STX8: variants seen among roughly 807,000 people sequenced by gnomAD.
The protein encoded by STX8 is syntaxin 8, also known as syntaxin-8.
A neutral mutation model predicts 37.5 loss-of-function variants in STX8; 23 were observed. That is an observed-to-expected ratio of 0.61 (90% CI 0.44 to 0.87). The LOEUF is 0.87. Among genes scored for constraint, STX8 ranks in the 40% least tolerant of loss-of-function variants. The probability of loss-of-function intolerance (pLI) is 0.00; values close to 1 mark genes in which losing one functional copy is unlikely to be tolerated. For synonymous variants in STX8, 115 were observed against 99.1 expected (o/e 1.16, Z -0.95); for missense variants, 313 against 284.7 (o/e 1.10, Z -0.71).
intron 6 of STX8, among the ~76,000 whole-genome samples, chr17:9,458,522 T>A (rs975045988): frequency 6.6e-6 from 1 of 152,212 alleles, no homozygotes; most frequent in African/African-American, 2.4e-5. Context: ...CAAAAACACA[T>A]CAAATAAGTT....
At chr17:9,332,299 A>T (rs556939631) in intron 7 of STX8, among the ~76,000 whole-genome samples, 23 of 152,354 alleles carry the variant, frequency 1.5e-4, no homozygotes, top group East Asian at 5.8e-4. Context: ...AGAATGACTC[A>T]GAGGCAGAGA....
At chr17:9,537,638 G>C (rs1906111637) in intron 4 of STX8, among the ~76,000 whole-genome samples, 1 of 152,162 alleles carries the variant, frequency 6.6e-6, no homozygotes, top group Non-Finnish European at 1.5e-5. Flanking sequence ...ACCCAACTCT[G>C]GGCTGGATGT....
intron 7 of STX8, among the ~76,000 whole-genome samples, chr17:9,276,342 T>C (rs1396112539): frequency 6.6e-6 from 1 of 152,112 alleles, no homozygotes; most frequent in Non-Finnish European, 1.5e-5. Flanking sequence ...TTTGTGGAAA[T>C]GTGAGTGATT....
chr17:9,328,437 C>G (rs995684309), intron 7 of STX8, among the ~76,000 whole-genome samples: 1 of 152,118 alleles, frequency 6.6e-6, no homozygotes, highest in Admixed American at 6.6e-5. Flanking sequence ...TTTGGGTCAT[C>G]GTTTTCCGAG....
At chr17:9,532,567 C>G (rs1195309507) in intron 4 of STX8, among the ~76,000 whole-genome samples, 1 of 151,954 alleles carries the variant, frequency 6.6e-6, no homozygotes, top group African/African-American at 2.4e-5. Flanking sequence ...GTAGAAAGAG[C>G]CTGAATTTTC....
chr17:9,469,555 C>A (rs1360445007), intron 6 of STX8, among the ~76,000 whole-genome samples: 3 of 152,124 alleles, frequency 2.0e-5, no homozygotes, highest in African/African-American at 7.2e-5. Flanking sequence ...ACAAACTCTC[C>A]GTGAGCCCAT....
At chr17:9,531,551 G>C (rs1905819709) in intron 4 of STX8, among the ~76,000 whole-genome samples, 1 of 152,168 alleles carries the variant, frequency 6.6e-6, no homozygotes. Flanking sequence ...GAGAGAGAGA[G>C]AGAGACCACA....
chr17:9,363,242 G>T (rs1252435754), intron 7 of STX8, among the ~76,000 whole-genome samples: 1 of 152,318 alleles, frequency 6.6e-6, no homozygotes, highest in South Asian at 2.1e-4. Flanking sequence ...GACATAAAGT[G>T]ATTTTGCCTC....
chr17:9,267,252 C>T (rs2142134310), intron 7 of STX8, among the ~76,000 whole-genome samples: 1 of 152,286 alleles, frequency 6.6e-6, no homozygotes, highest in South Asian at 2.1e-4. Context: ...TAATAACCCT[C>T]CACTCTCAGA....
intron 7 of STX8, among the ~76,000 whole-genome samples, chr17:9,251,211 C>T (rs1906563496): frequency 1.3e-5 from 2 of 152,294 alleles, no homozygotes; most frequent in African/African-American, 2.4e-5. Context: ...CTGGAGAGCA[C>T]AGGCCCTCCT....
chr17:9,341,458 GAC>G (rs1190278643), intron 7 of STX8, among the ~76,000 whole-genome samples: 4 of 152,170 alleles, frequency 2.6e-5, no homozygotes, highest in South Asian at 2.1e-4. Context: ...TGTTTTTTGA[GAC>G]AGAGTCTTGC....
At chr17:9,280,203 C>G (rs1367111422) in intron 7 of STX8, among the ~76,000 whole-genome samples, 1 of 152,070 alleles carries the variant, frequency 6.6e-6, no homozygotes, top group Non-Finnish European at 1.5e-5. Context: ...GTAGGAGACA[C>G]AGTGAGTAAG....
At chr17:9,287,898 G>A (rs1908136524) in intron 7 of STX8, among the ~76,000 whole-genome samples, 1 of 151,830 alleles carries the variant, frequency 6.6e-6, no homozygotes. Context: ...TTACAGGTGA[G>A]CACCACCACG....
At chr17:9,432,616 C>T (rs1914021538) in intron 6 of STX8, among the ~76,000 whole-genome samples, 1 of 152,206 alleles carries the variant, frequency 6.6e-6, no homozygotes, top group Admixed American at 6.5e-5. Flanking sequence ...TGGGAACTTT[C>T]ACCTTGTCTC....
intron 6 of STX8, among the ~76,000 whole-genome samples, chr17:9,426,036 C>T (rs1913615776): frequency 6.8e-6 from 1 of 146,894 alleles, no homozygotes; most frequent in South Asian, 2.2e-4. Flanking sequence ...CTAAAAAGCA[C>T]CCTGTTAATT....
intron 7 of STX8, among the ~76,000 whole-genome samples, chr17:9,376,033 T>G (rs1166514842): frequency 6.6e-6 from 1 of 152,066 alleles, no homozygotes; most frequent in African/African-American, 2.4e-5. Context: ...ACAACTGAAT[T>G]TTGATAACCA....
chr17:9,418,530 AAC>A (rs1471544788), intron 6 of STX8, among the ~76,000 whole-genome samples: 3 of 149,626 alleles, frequency 2.0e-5, no homozygotes, highest in Admixed American at 6.6e-5. Context: ...AAAAAAAAAA[AAC>A]AAAAAAAAAA....
chr17:9,270,324 A>C (rs907471573), intron 7 of STX8, among the ~76,000 whole-genome samples: 2 of 152,098 alleles, frequency 1.3e-5, no homozygotes, highest in Non-Finnish European at 2.9e-5. Context: ...AGCTCACTGC[A>C]AGCACCGCCG....
intron 1 of STX8, chr17:9,570,090 A>G (rs1907624491): frequency 6.6e-6 from 1 of 152,144 alleles, no homozygotes. Context: ...CCATCACAAA[A>G]TATCAGAAAC....
Sources: allele counts gnomAD v4.1 joint callset (sites outside exome capture counted in the v4.1 genomes callset), GRCh38; gene constraint gnomAD v4.1.1; transcripts MANE v1.5; gene names NCBI Gene and HGNC (gene_info 2026-07-23, HGNC 2026-07-21).